Variants in FSTL5 observed in about 807,000 individuals in gnomAD.
FSTL5 encodes follistatin like 5, also known as follistatin-related protein 5.
Under a neutral mutation model 89.1 loss-of-function variants are expected in FSTL5, and 62 were observed. That is an observed-to-expected ratio of 0.70 (90% CI 0.57 to 0.86). FSTL5 has a LOEUF of 0.86. FSTL5 is among the 40% of genes least tolerant of loss of function. The pLI is 0.00. For missense variants in FSTL5, 1,057 were observed against 1,001.6 expected (o/e 1.06, Z -0.75); for synonymous variants, 383 against 346.2 (o/e 1.11, Z -1.18).
At chr4:161,502,147 T>C (rs191107759) in intron 11 of FSTL5, among the ~76,000 whole-genome samples, 31 of 152,134 alleles carry the variant, frequency 2.0e-4, no homozygotes, top group African/African-American at 6.5e-4. Flanking sequence ...TAAGTCCAGA[T>C]TGTTTGTCAT....
At chr4:161,827,006 G>A (rs1024325944) in intron 4 of FSTL5, among the ~76,000 whole-genome samples, 10 of 152,186 alleles carry the variant, frequency 6.6e-5, no homozygotes, top group African/African-American at 2.4e-4. Context: ...CTTTAAAGAT[G>A]TTCATTTTGG....
chr4:162,109,061 T>A (rs1731337072), intron 2 of FSTL5, among the ~76,000 whole-genome samples: 1 of 152,080 alleles, frequency 6.6e-6, no homozygotes, highest in Non-Finnish European at 1.5e-5. Context: ...TTTTGGCTTG[T>A]CATTTTCAAT....
At chr4:161,445,604 G>A (rs560523692) in intron 15 of FSTL5, among the ~76,000 whole-genome samples, 1 of 152,016 alleles carries the variant, frequency 6.6e-6, no homozygotes, top group Non-Finnish European at 1.5e-5. Flanking sequence ...TGTTAAAACA[G>A]ATTAATTTCA....
intron 2 of FSTL5, among the ~76,000 whole-genome samples, chr4:162,105,571 A>G (rs1041406512): frequency 6.6e-6 from 1 of 152,142 alleles, no homozygotes; most frequent in African/African-American, 2.4e-5. Context: ...TCAGTTAATA[A>G]TGAGATATAA....
chr4:162,007,965 T>C (rs1736657961), intron 3 of FSTL5, among the ~76,000 whole-genome samples: 1 of 151,862 alleles, frequency 6.6e-6, no homozygotes, highest in African/African-American at 2.4e-5. Context: ...GGAGAATGGA[T>C]AATATCAGTA....
chr4:161,522,026 C>T (rs951753440), intron 10 of FSTL5, among the ~76,000 whole-genome samples: 4 of 151,858 alleles, frequency 2.6e-5, no homozygotes, highest in African/African-American at 9.7e-5. Context: ...GACAAATATG[C>T]CTGTTCTCCC....
intron 6 of FSTL5, among the ~76,000 whole-genome samples, chr4:161,658,853 G>T (rs569065409): frequency 6.6e-6 from 1 of 152,002 alleles, no homozygotes; most frequent in Non-Finnish European, 1.5e-5. Context: ...GGAGATAATG[G>T]GACATCTGGT....
chr4:162,136,460 G>T (rs1452018888), intron 1 of FSTL5, among the ~76,000 whole-genome samples: 1 of 151,944 alleles, frequency 6.6e-6, no homozygotes, highest in Non-Finnish European at 1.5e-5. Context: ...TTTAGAGTGG[G>T]GGGAGTTGTA....
chr4:162,067,038 G>T (rs374026167), intron 2 of FSTL5, among the ~76,000 whole-genome samples: 7 of 151,756 alleles, frequency 4.6e-5, no homozygotes, highest in African/African-American at 1.7e-4. Flanking sequence ...TAAGTCCTTT[G>T]TTTGTTTGTT....
Position 161,736,790 on chromosome 4 carries a change from G to A in FSTL5, c.727+22621C>T, listed in dbSNP as rs139400447. Among the ~76,000 whole-genome samples, 320 of 152,200 alleles carry A rather than the reference G, an allele frequency of 2.1e-3. 2 individuals carry two copies. The highest frequency in any genetic ancestry group is 7.3e-3 in the African/African-American group (302 of 41,562). On this transcript the variant is annotated intron_variant, in intron 6 of 15. Coordinates refer to ENST00000306100, the MANE Select transcript of FSTL5 (RefSeq NM_020116.5). ...TGTATGGGGTTAAATTGTACTTGCA[G>A]AAGATGTCTGTGGATACGTGATCCT...
At chr4:162,032,430 A>T (rs1737568496) in intron 3 of FSTL5, 1 of 152,202 alleles carries the variant, frequency 6.6e-6, no homozygotes, top group Non-Finnish European at 1.5e-5. Flanking sequence ...TTTCGCATAT[A>T]AAATAACAAG....
intron 2 of FSTL5, among the ~76,000 whole-genome samples, chr4:162,063,368 A>G (rs1738783530): frequency 6.6e-6 from 1 of 151,838 alleles, no homozygotes; most frequent in Non-Finnish European, 1.5e-5. Context: ...CATTTTCCAC[A>G]TACAAAACAG....
chr4:162,138,325 T>C (rs1424687260), intron 1 of FSTL5, among the ~76,000 whole-genome samples: 1 of 151,176 alleles, frequency 6.6e-6, no homozygotes, highest in African/African-American at 2.5e-5. Flanking sequence ...ATTAGTTTGA[T>C]TGGTAGTTAT....
chr4:161,429,826 C>T (rs1004727846), intron 15 of FSTL5, among the ~76,000 whole-genome samples: 4 of 152,178 alleles, frequency 2.6e-5, no homozygotes, highest in African/African-American at 9.6e-5. Context: ...ATTGAATGTT[C>T]AATGCCCAGA....
chr4:161,608,109 T>C (rs1734514821), intron 7 of FSTL5, among the ~76,000 whole-genome samples: 1 of 152,140 alleles, frequency 6.6e-6, no homozygotes, highest in Non-Finnish European at 1.5e-5. Context: ...CCAATGGGAA[T>C]TAAAACATCT....
intron 1 of FSTL5, among the ~76,000 whole-genome samples, chr4:162,114,377 C>T: frequency 6.6e-6 from 1 of 152,122 alleles, no homozygotes; most frequent in Non-Finnish European, 1.5e-5. Flanking sequence ...CGAGGAGAGT[C>T]AAGAAAGAGG....
At position 161,429,456 on chromosome 4, in the gene FSTL5, T is replaced by A. The variant is rs556303913; in HGVS notation, c.1841+25548A>T. ...CAGCTCTAATCTAGCACAGTCCCAG[T>A]GGTGTTGGCCACTGGGGTGTTTGTA... On this transcript the variant is annotated intron_variant, in intron 15 of 15. Transcript: ENST00000306100. Among the ~76,000 whole-genome samples, 3 of 152,310 alleles carry A rather than the reference T, an allele frequency of 2.0e-5. No homozygotes were observed. The East Asian group carries it at 5.8e-4, about 30-fold the overall frequency.
intron 2 of FSTL5, among the ~76,000 whole-genome samples, chr4:162,107,203 T>G (rs1209531049): frequency 6.6e-6 from 1 of 152,232 alleles, no homozygotes; most frequent in Non-Finnish European, 1.5e-5. Context: ...TTAGACTGCG[T>G]ATCTCCAAAT....
intron 8 of FSTL5, among the ~76,000 whole-genome samples, chr4:161,546,292 T>A (rs987643504): frequency 1.4e-5 from 2 of 145,588 alleles, no homozygotes; most frequent in African/African-American, 2.5e-5. Flanking sequence ...TATATACATA[T>A]TATATATATA....
Sources: allele counts gnomAD v4.1 joint callset (sites outside exome capture counted in the v4.1 genomes callset), GRCh38; gene constraint gnomAD v4.1.1; transcripts MANE v1.5; gene names NCBI Gene and HGNC (gene_info 2026-07-23, HGNC 2026-07-21).